The following CLASP1 variants were observed in gnomAD, a reference collection of about 807,000 sequenced individuals.
The protein encoded by CLASP1 is CLIP-associating protein 1.
Under a neutral mutation model 192.3 loss-of-function variants are expected in CLASP1, and 38 were observed. That is an observed-to-expected ratio of 0.20 (90% CI 0.15 to 0.26). The LOEUF (loss-of-function observed/expected upper bound fraction) is 0.26. Among genes scored for constraint, CLASP1 ranks in the 10% least tolerant of loss-of-function variants. The pLI is 1.00. For missense variants in CLASP1, 1,433 were observed against 1,932.5 expected, an observed-to-expected ratio of 0.74 and a Z score of 4.85; for synonymous variants, 691 against 712.8, an observed-to-expected ratio of 0.97 and a Z score of 0.49.
chr2:121,591,677 C>T (rs1345159322), intron 2 of CLASP1, among the ~76,000 whole-genome samples: 4 of 152,218 alleles, frequency 2.6e-5, no homozygotes, highest in African/African-American at 9.7e-5. Context: ...ATTAAGGACG[C>T]CTGAACATCT....
intron 2 of CLASP1, among the ~76,000 whole-genome samples, chr2:121,586,188 C>G (rs2061698073): frequency 1.3e-5 from 2 of 152,142 alleles, no homozygotes; most frequent in Non-Finnish European, 2.9e-5. Context: ...AATGCAGTGG[C>G]ATGATCTCGG....
intron 25 of CLASP1, among the ~76,000 whole-genome samples, chr2:121,407,080 G>C (rs1458324051): frequency 1.3e-5 from 2 of 152,058 alleles, no homozygotes; most frequent in African/African-American, 2.4e-5. Context: ...GCCAGGCGTG[G>C]TGGTGTACCC....
At chr2:121,403,155 T>C (rs894258364) in intron 26 of CLASP1, among the ~76,000 whole-genome samples, 1 of 152,166 alleles carries the variant, frequency 6.6e-6, no homozygotes, top group Non-Finnish European at 1.5e-5. Context: ...ATTGTTAATG[T>C]TGACTTTGCT....
At chr2:121,641,524 A>G (rs2072071531) in intron 1 of CLASP1, among the ~76,000 whole-genome samples, 1 of 152,186 alleles carries the variant, frequency 6.6e-6, no homozygotes, top group Non-Finnish European at 1.5e-5. Flanking sequence ...ATTTTCCTCT[A>G]TGCCCATCTA....
chr2:121,393,871 TAAA>T (rs151255744), intron 30 of CLASP1, among the ~76,000 whole-genome samples: 2 of 141,450 alleles, frequency 1.4e-5, no homozygotes, highest in African/African-American at 2.6e-5. Flanking sequence ...CTTGGATGAT[TAAA>T]AAAAAAAAAA....
chr2:121,521,627 C>G (rs2094458667), intron 6 of CLASP1, among the ~76,000 whole-genome samples: 1 of 152,224 alleles, frequency 6.6e-6, no homozygotes, highest in Non-Finnish European at 1.5e-5. Flanking sequence ...ACCTGTGGCC[C>G]ACTCTGAAAG....
chr2:121,530,715 C>T, intron 2 of CLASP1: 1 of 508,242 alleles, frequency 2.0e-6, no homozygotes, highest in Non-Finnish European at 3.5e-6. Flanking sequence ...GCTTTTGCGA[C>T]CCTTCGGGAG....
intron 23 of CLASP1, among the ~76,000 whole-genome samples, 154 bp from the exon 24 acceptor site, chr2:121,414,357 T>G (rs547125785): frequency 6.6e-6 from 1 of 152,334 alleles, no homozygotes; most frequent in South Asian, 2.1e-4. Flanking sequence ...GGACAGCAAG[T>G]GCCAATCCCC....
chr2:121,446,722 A>C (rs2084418646), intron 19 of CLASP1, among the ~76,000 whole-genome samples: 1 of 152,238 alleles, frequency 6.6e-6, no homozygotes, highest in African/African-American at 2.4e-5. Context: ...TTTTGGAAGT[A>C]GTTTTTAAAA....
In CLASP1 at chr2:121,446,181, A is replaced by AT. The variant is rs1414050124; in HGVS notation, c.1912+1155dup. On this transcript the variant is annotated intron_variant, in intron 19 of 39. Coordinates refer to ENST00000263710, the Ensembl canonical transcript of CLASP1. Reference sequence around the variant, plus strand: ...TGACTGAGCAAATGTTCCAGAACACATATCTTTCAAATTAATAATGTTCCT... The same window carrying AT: ...TGACTGAGCAAATGTTCCAGAACACATTATCTTTCAAATTAATAATGTTCCT... 2.0e-5 allele frequency among the ~76,000 whole-genome samples: 3 copies of AT among 152,240 alleles called. No individual in the cohort carries two copies. The East Asian group carries it at 5.8e-4, about 29-fold the overall frequency.
intron 2 of CLASP1, among the ~76,000 whole-genome samples, chr2:121,536,906 T>C (rs1396060026): frequency 6.6e-6 from 1 of 152,240 alleles, no homozygotes; most frequent in Non-Finnish European, 1.5e-5. Context: ...GCCGCTGAAT[T>C]GTACACAAAA....
chr2:121,496,846 G>A (rs935269450), intron 8 of CLASP1, among the ~76,000 whole-genome samples: 1 of 152,056 alleles, frequency 6.6e-6, no homozygotes, highest in Non-Finnish European at 1.5e-5. Flanking sequence ...CAGATGAATG[G>A]AATAAGAAAA....
intron 37 of CLASP1, among the ~76,000 whole-genome samples, chr2:121,355,338 A>G (rs963985250): frequency 6.6e-6 from 1 of 152,130 alleles, no homozygotes; most frequent in African/African-American, 2.4e-5. Context: ...CAAGTTGGCC[A>G]GGCTGGTCTC....
intron 2 of CLASP1, chr2:121,532,801 A>G (rs2094929976): frequency 6.6e-6 from 1 of 152,230 alleles, no homozygotes; most frequent in South Asian, 2.1e-4. Context: ...ATACATCAAT[A>G]CTGGCTCATT....
chr2:121,623,800 A>G (rs1433266031), intron 1 of CLASP1, among the ~76,000 whole-genome samples: 1 of 152,210 alleles, frequency 6.6e-6, no homozygotes, highest in African/African-American at 2.4e-5. Flanking sequence ...GTGAGCCAAC[A>G]TCACATCACT....
chr2:121,451,030 T>C (rs2085359220), intron 15 of CLASP1, 40 bp from the exon 16 acceptor site: 2 of 1,317,390 alleles, frequency 1.5e-6, no homozygotes, highest in Admixed American at 1.8e-5. Flanking sequence ...ATCATAAATG[T>C]ATGGTTTGAT....
At chr2:121,635,791 G>A (rs1333407774) in intron 1 of CLASP1, among the ~76,000 whole-genome samples, 1 of 152,144 alleles carries the variant, frequency 6.6e-6, no homozygotes, top group African/African-American at 2.4e-5. Flanking sequence ...AATAATTTTT[G>A]AGACTAAGAG....
At chr2:121,405,638 G>C (rs1285614656) in intron 25 of CLASP1, among the ~76,000 whole-genome samples, 1 of 152,212 alleles carries the variant, frequency 6.6e-6, no homozygotes, top group Admixed American at 6.5e-5. Context: ...ACGTAACCTA[G>C]ATTAGACCAA....
intron 1 of CLASP1, among the ~76,000 whole-genome samples, chr2:121,644,910 A>G (rs1435921796): frequency 6.6e-6 from 1 of 151,216 alleles, no homozygotes; most frequent in African/African-American, 2.4e-5. Context: ...GTGAGCCATG[A>G]CCATGCCACT....
Sources: gnomAD v4.1 joint callset for allele counts (sites outside exome capture counted in the v4.1 genomes callset) on GRCh38, gnomAD v4.1.1 for gene constraint, MANE v1.5 for transcripts, NCBI Gene and HGNC (gene_info 2026-07-23, HGNC 2026-07-21) for gene names.